Variants in IFT122 observed in about 807,000 individuals in gnomAD.
IFT122 encodes intraflagellar transport 122, also known as intraflagellar transport protein 122 homolog.
Under a neutral mutation model 161.6 loss-of-function variants are expected in IFT122, and 118 were observed. That is an observed-to-expected ratio of 0.73 (90% CI 0.63 to 0.85). IFT122 has a LOEUF of 0.85. Among genes scored for constraint, IFT122 ranks in the 40% least tolerant of loss-of-function variants. The pLI, the probability that IFT122 is intolerant of heterozygous loss-of-function variation, is 0.00. For synonymous variants in IFT122, 550 were observed against 602.4 expected (o/e 0.91, Z 1.27); for missense variants, 1,381 against 1,579.6 (o/e 0.87, Z 2.13).
chr3:129,454,455 A>G (rs567813993), intron 3 of IFT122, among the ~76,000 whole-genome samples: 27 of 151,406 alleles, frequency 1.8e-4, no homozygotes, highest in Non-Finnish European at 3.7e-4. Flanking sequence ...AGATTGGCCC[A>G]AAGACAAAAC....
At chr3:129,498,303 C>A (rs558187547) in intron 18 of IFT122, among the ~76,000 whole-genome samples, 206 of 152,370 alleles carry the variant, frequency 1.4e-3, no homozygotes, top group Non-Finnish European at 2.1e-3. Context: ...CTTTGAAGGA[C>A]ATTTCTAGTC....
chr3:129,478,319 A>G, intron 12 of IFT122, 101 bp downstream of exon 12: 3 of 953,338 alleles, frequency 3.1e-6, no homozygotes, highest in Non-Finnish European at 5.0e-6. Flanking sequence ...GTCACTAGAA[A>G]ACAAGTCTGT....
chr3:129,518,791 C>T (rs577528463), intron 27 of IFT122, among the ~76,000 whole-genome samples: 5 of 152,232 alleles, frequency 3.3e-5, no homozygotes. Context: ...CCCCCAGCAG[C>T]CACTGAATGT....
chr3:129,444,644 C>G (rs927565441), intron 1 of IFT122, among the ~76,000 whole-genome samples: 1 of 152,102 alleles, frequency 6.6e-6, no homozygotes, highest in African/African-American at 2.4e-5. Flanking sequence ...GCCTCAGCCT[C>G]CCGAGTAGGT....
At chr3:129,481,032 T>C (rs2078572654) in intron 13 of IFT122, among the ~76,000 whole-genome samples, 1 of 152,186 alleles carries the variant, frequency 6.6e-6, no homozygotes, top group South Asian at 2.1e-4. Context: ...GCCACTGCGA[T>C]CAGCCTGGGC....
chr3:129,481,246 A>G, intron 13 of IFT122: 1 of 413,390 alleles, frequency 2.4e-6, no homozygotes, highest in Non-Finnish European at 4.6e-6. Flanking sequence ...GGGTAATGTC[A>G]TCAACAAATC....
At chr3:129,497,737 C>T (rs1004615549) in intron 18 of IFT122, among the ~76,000 whole-genome samples, 4 of 152,186 alleles carry the variant, frequency 2.6e-5, no homozygotes, top group Non-Finnish European at 5.9e-5. Flanking sequence ...TTTCAATCCC[C>T]CCTGCCCCCA....
intron 9 of IFT122, among the ~76,000 whole-genome samples, chr3:129,471,396 T>A (rs1239756767): frequency 1.4e-4 from 21 of 152,246 alleles, no homozygotes; most frequent in Admixed American, 1.4e-3. Flanking sequence ...CCCTCTCTAT[T>A]CATCTGCTTA....
intron 22 of IFT122, 35 bp downstream of exon 22, chr3:129,506,584 A>T: frequency 6.2e-7 from 1 of 1,614,040 alleles, no homozygotes. Flanking sequence ...TGTTTTCCCA[A>T]GCCCCACTCT....
intron 3 of IFT122, among the ~76,000 whole-genome samples, chr3:129,452,893 A>G (rs1210616440): frequency 2.0e-5 from 3 of 152,142 alleles, no homozygotes; most frequent in Non-Finnish European, 4.4e-5. Flanking sequence ...AGGTGATGAG[A>G]AATTATCAGA....
chr3:129,517,455 T>C lies in IFT122; in HGVS notation c.3266-14T>C, dbSNP rs1006843731. 2.4e-5 allele frequency: 38 copies of C among 1,612,932 alleles called. No individual in the cohort carries two copies. Among genetic ancestry groups the C allele is most frequent in the Non-Finnish European group, 3.0e-5 (35 of 1,179,368 alleles). ...GGCCTCCAGCCCCCTCAGCCCTTTCTCTATGCCCTCCAGACGTGCTACACC... is the reference window on the plus strand; with the variant it reads ...GGCCTCCAGCCCCCTCAGCCCTTTCCCTATGCCCTCCAGACGTGCTACACC... On this transcript the variant is annotated splice_polypyrimidine_tract_variant and intron_variant, in intron 26 of 29. Coordinates refer to ENST00000348417, the MANE Select transcript of IFT122 (RefSeq NM_052989.3).
Position 129,482,814 on chromosome 3 carries a change from A to G in IFT122, c.1654-671A>G, listed in dbSNP as rs558083491. The stretch of plus-strand genomic sequence containing the variant: ...TGCCCCTTACAGAATTGCTACAGGA[A>G]TACACTAGATACTACAGTGCCTAGC... On this transcript the variant is annotated intron_variant, in intron 14 of 29. Transcript: ENST00000348417. 1.2e-4 allele frequency among the ~76,000 whole-genome samples: 19 copies of G among 152,354 alleles called. 1 individual carries two copies. Among genetic ancestry groups the G allele is most frequent in the Admixed American group, 9.1e-4 (14 of 15,310 alleles).
intron 21 of IFT122, 123 bp from the exon 22 acceptor site, chr3:129,506,286 G>C: frequency 4.5e-6 from 5 of 1,108,300 alleles, no homozygotes; most frequent in Non-Finnish European, 6.8e-6. Flanking sequence ...AAGCACTGCA[G>C]ATGCTCCAAT....
At position 129,464,697 on chromosome 3, in the gene IFT122, A is replaced by G; in HGVS notation, c.479A>G (p.Asn160Ser). 1 of 1,614,214 alleles carries G rather than the reference A, an allele frequency of 6.2e-7. No individual in the cohort carries two copies. ...GMFNGIISIR[N>S]KNGEEKVKIE... Reference sequence around the variant, plus strand: ...TTCAATGGGATCATCAGCATACGGAACAAAAATGGCGAGGAGAAAGTAAAG... The same window carrying G: ...TTCAATGGGATCATCAGCATACGGAGCAAAAATGGCGAGGAGAAAGTAAAG... Residue 160 changes from asparagine (N) to serine (S), a missense_variant, in exon 7 of 30, where the codon AAC becomes AGC. Coordinates refer to ENST00000348417, the MANE Select transcript of IFT122 (RefSeq NM_052989.3).
rs756397972 is a variant in IFT122, at chr3:129,476,768, G to A, written c.1114G>A (p.Val372Ile). ...TGCCTACAGGGATAGCATGACTGACGTCATTGTGCAGCACCTGATCACTGA... is the reference window on the plus strand; with the variant it reads ...TGCCTACAGGGATAGCATGACTGACATCATTGTGCAGCACCTGATCACTGA... The part of the protein sequence containing the change: ...RYAYRDSMTD[V>I]IVQHLITEQK... The change falls in exon 11 of 30, where the codon GTC becomes ATC. Residue 372 changes from valine (V) to isoleucine (I), a missense_variant. Physicochemically the swap from Val to Ile is conservative, Grantham distance 29 (BLOSUM62 3). Around this residue, in one of 7 missense-constraint regions of IFT122, gnomAD observed 544 missense variants for 648.0 expected, o/e 0.84. Transcript: ENST00000348417. 6 of 1,614,198 alleles carry A rather than the reference G, an allele frequency of 3.7e-6. No individual in the cohort carries two copies. The highest frequency in any genetic ancestry group is 1.7e-5 in the Admixed American group (1 of 60,022).
intron 11 of IFT122, among the ~76,000 whole-genome samples, chr3:129,477,261 C>G (rs2078060166): frequency 1.3e-5 from 2 of 152,162 alleles, no homozygotes; most frequent in South Asian, 4.1e-4. Context: ...TTGGCACAGG[C>G]TAGGTCAGAA....
intron 10 of IFT122, 65 bp from the exon 11 acceptor site, chr3:129,476,598 T>A: frequency 1.2e-6 from 2 of 1,614,066 alleles, no homozygotes; most frequent in Non-Finnish European, 1.7e-6. Context: ...GGTTTGTGTC[T>A]GACAAATGGG....
chr3:129,472,071 G>T (rs984548225), intron 9 of IFT122, among the ~76,000 whole-genome samples: 31 of 152,166 alleles, frequency 2.0e-4, no homozygotes, highest in African/African-American at 7.5e-4. Context: ...AGGCATACTG[G>T]TGCCAGAATC....
chr3:129,496,535 G>A (rs891077468), intron 18 of IFT122, among the ~76,000 whole-genome samples: 14 of 152,124 alleles, frequency 9.2e-5, no homozygotes, highest in Non-Finnish European at 8.8e-5. Context: ...AGTTCAAGAT[G>A]GAAAATCTTC....
Sources: gnomAD v4.1 joint callset for allele counts (sites outside exome capture counted in the v4.1 genomes callset) on GRCh38, gnomAD v4.1.1 for gene constraint, gnomAD v4.1.1 regional missense constraint, MANE v1.5 for transcripts, NCBI Gene and HGNC (gene_info 2026-07-23, HGNC 2026-07-21) for gene names.